ALPK1: variants seen among roughly 807,000 people sequenced by gnomAD.
The protein encoded by ALPK1 is alpha kinase 1, also known as alpha-protein kinase 1.
A neutral mutation model predicts 120.6 loss-of-function variants in ALPK1; 110 were observed. The observed-to-expected ratio is 0.91, with a 90% CI of 0.78 to 1.07. The LOEUF (loss-of-function observed/expected upper bound fraction) is 1.07. Among genes scored for constraint, ALPK1 ranks in the 50% least tolerant of loss-of-function variants. The pLI is 0.00. For missense variants in ALPK1, 1,498 were observed against 1,483.9 expected, an observed-to-expected ratio of 1.01 and a Z score of -0.16; for synonymous variants, 582 against 560.3, an observed-to-expected ratio of 1.04 and a Z score of -0.55.
Position 112,307,088 on chromosome 4 carries a change from T to G in ALPK1, c.-152-8713T>G, listed in dbSNP as rs891176397. Among the ~76,000 whole-genome samples the G allele has an allele frequency of 2.6e-5, 4 of 152,152 alleles. No homozygotes were observed. The South Asian group carries it at 6.2e-4, about 24-fold the overall frequency. ...GAGTGAGTTTCTTAATCCTGAGTTTTAGTTTGATTGCACTGTGGTCTGAGA... is the reference window on the plus strand; with the variant it reads ...GAGTGAGTTTCTTAATCCTGAGTTTGAGTTTGATTGCACTGTGGTCTGAGA... On this transcript the variant is annotated intron_variant, in intron 1 of 15. Transcript: ENST00000650871.
intron 2 of ALPK1, among the ~76,000 whole-genome samples, chr4:112,332,265 T>A (rs1469909079): frequency 6.6e-6 from 1 of 152,232 alleles, no homozygotes; most frequent in Non-Finnish European, 1.5e-5. Context: ...TTTGCCTGTA[T>A]AATACTGAAA....
chr4:112,372,430 C>T (rs1214273346), intron 2 of ALPK1, among the ~76,000 whole-genome samples: 2 of 152,092 alleles, frequency 1.3e-5, no homozygotes, highest in African/African-American at 4.8e-5. Flanking sequence ...AGGATGGTCT[C>T]AATCTCCTGA....
At chr4:112,344,358 G>A (rs1166579585) in intron 2 of ALPK1, among the ~76,000 whole-genome samples, 1 of 152,206 alleles carries the variant, frequency 6.6e-6, no homozygotes, top group East Asian at 1.9e-4. Flanking sequence ...TTTCCAATGT[G>A]AAAATAGTGG....
Position 112,395,775 on chromosome 4 carries a change from GA to G in ALPK1, c.276+13224del, listed in dbSNP as rs796241305. 8.5e-5 allele frequency among the ~76,000 whole-genome samples: 13 copies of G among 152,290 alleles called. 1 individual carries two copies. The highest frequency in any genetic ancestry group is 2.4e-4 in the African/African-American group (10 of 41,574). ...GTTTATTTTAATACTTGATTTTAAT[GA>G]CGGTCACAGTTGAAAAATTATGTGT... On this transcript the variant is annotated intron_variant, in intron 4 of 15. Transcript: ENST00000650871.
Position 112,355,554 on chromosome 4 carries a change from G to C in ALPK1, c.-100-22124G>C, listed in dbSNP as rs532905466. ...GGGAGGAGGCCCATGCAGCTATCCA[G>C]GAAATGATGGTGGCTGGGCCTAGGG... On this transcript the variant is annotated intron_variant, in intron 2 of 15. Transcript: ENST00000650871. Among the ~76,000 whole-genome samples, 4 of 152,246 alleles carry C rather than the reference G, an allele frequency of 2.6e-5. No homozygotes were observed. In the South Asian group the frequency reaches 8.3e-4, roughly 32 times the overall value.
intron 2 of ALPK1, among the ~76,000 whole-genome samples, chr4:112,376,062 C>G (rs1731645047): frequency 6.6e-6 from 1 of 152,124 alleles, no homozygotes; most frequent in African/African-American, 2.4e-5. Flanking sequence ...TGCTGGCTCC[C>G]AGACAGTTTG....
chr4:112,409,371 A>T (rs897568768), intron 4 of ALPK1, among the ~76,000 whole-genome samples: 1 of 152,140 alleles, frequency 6.6e-6, no homozygotes, highest in African/African-American at 2.4e-5. Context: ...GATCTGATCA[A>T]TAGTACCTCT....
At chr4:112,389,126 C>T (rs956522339) in intron 4 of ALPK1, among the ~76,000 whole-genome samples, 1 of 151,196 alleles carries the variant, frequency 6.6e-6, no homozygotes, top group Non-Finnish European at 1.5e-5. Context: ...CTCACTGCTG[C>T]CTCCACCTCC....
intron 6 of ALPK1, chr4:112,425,040 A>C (rs1734176022): frequency 6.6e-6 from 1 of 152,358 alleles, no homozygotes; most frequent in South Asian, 2.1e-4. Flanking sequence ...CCCACACCCC[A>C]ATCACAGTGA....
At chr4:112,423,863 C>A (rs1734111514) in intron 5 of ALPK1, 81 bp from the exon 6 acceptor site, 1 of 1,347,450 alleles carries the variant, frequency 7.4e-7, no homozygotes, top group Admixed American at 1.7e-5. Flanking sequence ...TGCAATATAT[C>A]AGTCTTAGAA....
intron 4 of ALPK1, among the ~76,000 whole-genome samples, chr4:112,395,180 A>C (rs927874072): frequency 2.0e-5 from 3 of 152,210 alleles, no homozygotes; most frequent in African/African-American, 7.2e-5. Flanking sequence ...CCCATATTGC[A>C]GATGAGATGA....
intron 11 of ALPK1, 32 bp downstream of exon 11, chr4:112,432,613 C>G: frequency 6.3e-7 from 1 of 1,582,746 alleles, no homozygotes; most frequent in Non-Finnish European, 8.6e-7. Flanking sequence ...GTTCCCCCCT[C>G]AGGAAGCAGC....
intron 2 of ALPK1, among the ~76,000 whole-genome samples, chr4:112,331,163 C>A (rs1340407959): frequency 6.6e-6 from 1 of 152,176 alleles, no homozygotes; most frequent in East Asian, 1.9e-4. Context: ...TAACCTTCAT[C>A]TTTGTCACCA....
chr4:112,397,572 G>T (rs555202129), intron 4 of ALPK1, among the ~76,000 whole-genome samples: 1 of 152,246 alleles, frequency 6.6e-6, no homozygotes, highest in East Asian at 1.9e-4. Context: ...AAGAGCTTAG[G>T]GGCCAGACCC....
At chr4:112,408,228 A>G (rs1188620868) in intron 4 of ALPK1, among the ~76,000 whole-genome samples, 1 of 152,194 alleles carries the variant, frequency 6.6e-6, no homozygotes, top group Non-Finnish European at 1.5e-5. Context: ...AGCCATAAGC[A>G]GGGTGGCAGG....
chr4:112,382,319 G>T, intron 3 of ALPK1, 79 bp from the exon 4 acceptor site: 7 of 1,133,832 alleles, frequency 6.2e-6, no homozygotes, highest in African/African-American at 1.7e-5. Flanking sequence ...TTGCCACTGA[G>T]GTGCTTCATC....
intron 5 of ALPK1, among the ~76,000 whole-genome samples, chr4:112,420,141 A>G (rs1480829168): frequency 6.6e-6 from 1 of 152,242 alleles, no homozygotes; most frequent in Non-Finnish European, 1.5e-5. Context: ...TGAACAAAAC[A>G]GGCAAAACCT....
chr4:112,439,511 A>G (rs761739153), intron 13 of ALPK1, among the ~76,000 whole-genome samples, 175 bp from the exon 14 acceptor site: 9 of 152,256 alleles, frequency 5.9e-5, no homozygotes, highest in Non-Finnish European at 1.3e-4. Context: ...ATTTCCTTGC[A>G]TAATCCCTTT....
At chr4:112,426,275 T>TGG (rs1337499049) in intron 7 of ALPK1, 192 bp from the exon 8 acceptor site, 2 of 389,494 alleles carry the variant, frequency 5.1e-6, no homozygotes, top group Non-Finnish European at 9.1e-6. Flanking sequence ...TGTTTCCCAG[T>TGG]GAAATGGAAA....
Sources: allele counts gnomAD v4.1 joint callset (sites outside exome capture counted in the v4.1 genomes callset), GRCh38; gene constraint gnomAD v4.1.1; transcripts MANE v1.5; gene names NCBI Gene and HGNC (gene_info 2026-07-23, HGNC 2026-07-21).